Variants in PRKAG1 observed in about 807,000 individuals in gnomAD.
PRKAG1 encodes the protein 5'-AMP-activated protein kinase subunit gamma-1.
Under a neutral mutation model 48.2 loss-of-function variants are expected in PRKAG1, and 27 were observed. The observed-to-expected ratio is 0.56, with a 90% CI of 0.41 to 0.77. The LOEUF (loss-of-function observed/expected upper bound fraction) is 0.77. Among genes scored for constraint, PRKAG1 ranks in the 30% least tolerant of loss-of-function variants. The pLI is 0.00. For missense variants in PRKAG1, 287 were observed against 398.3 expected, an observed-to-expected ratio of 0.72 and a Z score of 2.38; for synonymous variants, 130 against 147.7, an observed-to-expected ratio of 0.88 and a Z score of 0.87.
At chr12:49,012,047 A>G (rs573825945) in intron 2 of PRKAG1, among the ~76,000 whole-genome samples, 95 of 151,916 alleles carry the variant, frequency 6.3e-4, no homozygotes, top group African/African-American at 2.2e-3. Context: ...AGTAGAGACA[A>G]GATTTCACGA....
At position 49,004,813 on chromosome 12, in the gene PRKAG1, C is replaced by CTGTGTGTGTGTGTG. The variant is rs3832821; in HGVS notation, c.410+137_410+150dup. 8.8e-4 allele frequency: 628 copies of CTGTGTGTGTGTGTG among 714,288 alleles called. 2 individuals carry two copies. The highest frequency in any genetic ancestry group is 4.1e-3 in the East Asian group (131 of 32,098). The allele number at this position is 714,288 out of a possible 1,614,324, so 44.2% of individuals were successfully genotyped here. On this transcript the variant is annotated intron_variant, in intron 7 of 11. Transcript: ENST00000548065. The stretch of plus-strand genomic sequence containing the variant: ...AGTGAGAATGAGAGAGAGAGAGAGA[C>CTGTGTGTGTGTGTG]TGTGTGTGTGTGTGTGTGTGTGTGT...
At position 49,005,368 on chromosome 12, in the gene PRKAG1, G is replaced by A. The variant is rs761623951; in HGVS notation, c.251-4C>T. The A allele has an allele frequency of 1.9e-6, 3 of 1,613,938 alleles. No individual in the cohort carries two copies. The highest frequency in any genetic ancestry group is 1.7e-6 in the Non-Finnish European group (2 of 1,180,032). ...AAATCAGTGATGGTCAGCATGCCTA[G>A]AGGACAAGACAGAGCCCTCAGCACT... On this transcript the variant is annotated splice_region_variant and splice_polypyrimidine_tract_variant and intron_variant, in intron 4 of 11. Transcript: ENST00000548065. This position sits in a 1 kb window ranked among gnomAD's most constrained non-coding sequence, Gnocchi z 4.1.
intron 1 of PRKAG1, chr12:49,017,894 T>C (rs1350004972): frequency 6.6e-6 from 1 of 152,174 alleles, no homozygotes; most frequent in African/African-American, 2.4e-5. Flanking sequence ...CAGTAGCAGA[T>C]GATAAAAACC....
At chr12:49,018,479 G>A in intron 1 of PRKAG1, 9 of 1,360,676 alleles carry the variant, frequency 6.6e-6, no homozygotes, top group Non-Finnish European at 8.5e-6. Context: ...GCCCCAAGGA[G>A]GGAGCCAGGA....
At position 49,005,532 on chromosome 12, in the gene PRKAG1, A is replaced by C. The variant is rs774043231; in HGVS notation, c.180T>G (p.Ala60=). 4.3e-6 allele frequency: 7 copies of C among 1,614,120 alleles called. No individual in the cohort carries two copies. In the East Asian group the frequency reaches 1.3e-4, roughly 31 times the overall value. ...VFDTSLQVKK[A]FFALVTNGVR... ...CACCGTTAGTCACCAAAGCAAAAAA[A>C]GCTTTCTTCACCTGTAGCCAAGACA... Residue 60 remains alanine, a synonymous_variant, in exon 4 of 12, where the codon GCT becomes GCG. Transcript: ENST00000548065. The surrounding 1 kb of genome is among the most constrained non-coding windows in gnomAD (Gnocchi z 4.1).
intron 8 of PRKAG1, chr12:49,004,241 A>G: frequency 1.9e-6 from 1 of 530,378 alleles, no homozygotes; most frequent in Non-Finnish European, 3.3e-6. Flanking sequence ...GCAGTGAGCC[A>G]TGATAGCGCC....
At chr12:49,003,514 C>CCA in intron 10 of PRKAG1, 44 bp downstream of exon 10, 1 of 1,595,444 alleles carries the variant, frequency 6.3e-7, no homozygotes, top group Non-Finnish European at 8.6e-7. Flanking sequence ...CAGTGCCCCC[C>CCA]CCCCACCACT....
chr12:49,016,314 C>T (rs1941966888), intron 1 of PRKAG1, among the ~76,000 whole-genome samples: 1 of 152,218 alleles, frequency 6.6e-6, no homozygotes, highest in Admixed American at 6.5e-5. Context: ...ATTACAGAGA[C>T]ACAGTCTACA....
chr12:49,004,595 A>T lies in PRKAG1; in HGVS notation c.449T>A (p.Ile150Asn). 6.2e-7 allele frequency: 1 copy of T among 1,614,110 alleles called. No homozygotes were observed. Among genetic ancestry groups the T allele is most frequent in the Non-Finnish European group, 8.5e-7 (1 of 1,179,994 alleles). Residue 150 changes from isoleucine (I) to asparagine (N), a missense_variant, in exon 8 of 12, where the codon ATC (isoleucine) becomes AAC (asparagine). Transcript: ENST00000548065. ...TGGGTCAATAACTGGCAGCCTGTGG[A>T]TCTTGTTCCGAATTAATGAAGAGAC... ...DAVSSLIRNK[I>N]HRLPVIDPES...
chr12:49,004,475 G>C (rs1447373023), intron 8 of PRKAG1, 32 bp downstream of exon 8: 6 of 1,606,328 alleles, frequency 3.7e-6, no homozygotes, highest in East Asian at 2.2e-5. Flanking sequence ...AATGAAAAAA[G>C]AGAAAAAAGA....
chr12:49,005,637 G>C lies in PRKAG1; in HGVS notation c.169-94C>G, dbSNP rs1239815083. 2 of 1,612,144 alleles carry C rather than the reference G, an allele frequency of 1.2e-6. No individual in the cohort carries two copies. The highest frequency in any genetic ancestry group is 1.7e-6 in the Non-Finnish European group (2 of 1,178,836). On this transcript the variant is annotated intron_variant, in intron 3 of 11. Transcript: ENST00000548065. The surrounding 1 kb of genome is among the most constrained non-coding windows in gnomAD (Gnocchi z 4.1). The stretch of plus-strand genomic sequence containing the variant: ...TTTGGGCATGTTGGGTAAAACATGA[G>C]ACTAACTTCACAGAAGGATAAGGAT...
intron 2 of PRKAG1, among the ~76,000 whole-genome samples, chr12:49,011,252 T>G (rs181104593): frequency 2.0e-5 from 3 of 152,204 alleles, no homozygotes; most frequent in Non-Finnish European, 4.4e-5. Context: ...ATACATACAC[T>G]ACATTGATAG....
intron 8 of PRKAG1, 30 bp from the exon 9 acceptor site, chr12:49,003,952 A>G: frequency 6.4e-7 from 1 of 1,560,660 alleles, no homozygotes; most frequent in Non-Finnish European, 8.7e-7. Context: ...CTTAACTTTC[A>G]AGGCACCCAA....
Position 49,002,665 on chromosome 12 carries a change from G to A in PRKAG1, c.*234C>T. ...GGGGGATATATCTAAGAGGACAGGG[G>A]CTAGAACTGGCTAGGCTGAAAGTTT... On this transcript the variant is annotated 3_prime_UTR_variant, in exon 12 of 12. Coordinates refer to ENST00000548065, the MANE Select transcript of PRKAG1 (RefSeq NM_002733.5). 1 of 614,108 alleles carries A rather than the reference G, an allele frequency of 1.6e-6. No homozygotes were observed. The highest frequency in any genetic ancestry group is 3.0e-6 in the Non-Finnish European group (1 of 335,686). 38.0% of individuals were successfully genotyped at this position (614,108 alleles called of 1,614,324 possible).
At chr12:49,009,269 T>C (rs1049736548) in intron 2 of PRKAG1, 3 of 151,962 alleles carry the variant, frequency 2.0e-5, no homozygotes, top group Non-Finnish European at 4.4e-5. Flanking sequence ...GGACTACAAG[T>C]GTATGCCACT....
At chr12:49,018,648 C>G in intron 1 of PRKAG1, 84 bp downstream of exon 1, 1 of 1,606,638 alleles carries the variant, frequency 6.2e-7, no homozygotes, top group Non-Finnish European at 8.5e-7. Context: ...GCGCCAGCCC[C>G]TGCCCGGCCC....
At chr12:49,004,894 T>C (rs1172692217) in intron 7 of PRKAG1, 70 bp downstream of exon 7, 1 of 1,511,838 alleles carries the variant, frequency 6.6e-7, no homozygotes, top group Non-Finnish European at 9.2e-7. Context: ...TCCCTGGGTG[T>C]CTAGGGCATT....
At chr12:49,016,130 G>T (rs1941959551) in intron 1 of PRKAG1, among the ~76,000 whole-genome samples, 1 of 151,782 alleles carries the variant, frequency 6.6e-6, no homozygotes, top group Non-Finnish European at 1.5e-5. Context: ...GTAGAGATGG[G>T]GTCTCGCTAT....
chr12:49,018,745 A>T lies in PRKAG1; in HGVS notation c.-5T>A. On this transcript the variant is annotated 5_prime_UTR_variant, in exon 1 of 12. The change creates a new upstream start codon in the 5' untranslated region. Transcript: ENST00000548065. Reference sequence around the variant, plus strand: ...TGCACTCCTCACCGTCTCCATTGCAAGAGGCGCCCGGCTTGGTTTCCTCGC... The same window carrying T: ...TGCACTCCTCACCGTCTCCATTGCATGAGGCGCCCGGCTTGGTTTCCTCGC... 4 of 1,612,984 alleles carry T rather than the reference A, an allele frequency of 2.5e-6. No individual in the cohort carries two copies. Among genetic ancestry groups the T allele is most frequent in the Non-Finnish European group, 3.4e-6 (4 of 1,179,984 alleles).
Sources: allele counts gnomAD v4.1 joint callset (sites outside exome capture counted in the v4.1 genomes callset), GRCh38; gene constraint gnomAD v4.1.1; non-coding constraint Gnocchi (gnomAD v3.1); transcripts MANE v1.5; gene names NCBI Gene and HGNC (gene_info 2026-07-23, HGNC 2026-07-21).